The following HDAC4 variants were observed in gnomAD, a reference collection of about 807,000 sequenced individuals.
HDAC4 encodes histone deacetylase A.
A neutral mutation model predicts 135.1 loss-of-function variants in HDAC4; 16 were observed. That is an observed-to-expected ratio of 0.12 (90% CI 0.08 to 0.18). The LOEUF (loss-of-function observed/expected upper bound fraction) is 0.18, where lower values mean the gene tolerates loss of function less well. Ranked by LOEUF, HDAC4 falls within the 10% of genes least tolerant of loss-of-function variation. The pLI is 1.00. For missense variants in HDAC4, 1,143 were observed against 1,511.8 expected (o/e 0.76, Z 4.05); for synonymous variants, 685 against 653.4 (o/e 1.05, Z -0.74).
intron 1 of HDAC4, among the ~76,000 whole-genome samples, chr2:239,366,166 C>T (rs1694200258): frequency 6.7e-6 from 1 of 150,302 alleles, no homozygotes; most frequent in Non-Finnish European, 1.5e-5. Context: ...TCGTCAGGGT[C>T]ATGCGTGTGG....
chr2:239,309,809 A>G lies in HDAC4; in HGVS notation c.22+42869T>C, dbSNP rs2052785015. Among the ~76,000 whole-genome samples the G allele has an allele frequency of 6.6e-6, 1 of 152,152 alleles. No individual in the cohort carries two copies. The highest frequency in any genetic ancestry group is 2.1e-4 in the South Asian group (1 of 4,830). ...GGACTGGTGTTGATAAAACATTCCA[A>G]CCACACACTCAGACCATGGATGTGG... On this transcript the variant is annotated intron_variant, in intron 2 of 26. Coordinates refer to ENST00000543185, the MANE Select transcript of HDAC4 (RefSeq NM_001378414.1). The surrounding 1 kb of genome is among the most constrained non-coding windows in gnomAD (Gnocchi z 4.2).
intron 22 of HDAC4, among the ~76,000 whole-genome samples, chr2:239,072,019 G>T (rs897321489): frequency 1.3e-5 from 2 of 152,134 alleles, no homozygotes; most frequent in African/African-American, 4.8e-5. Context: ...CTTAAAATGA[G>T]TCATCCATTT....
intron 1 of HDAC4, among the ~76,000 whole-genome samples, chr2:239,388,818 C>T (rs1696005154): frequency 6.6e-6 from 1 of 152,230 alleles, no homozygotes; most frequent in African/African-American, 2.4e-5. Flanking sequence ...GATCTCCCTG[C>T]TGAGCTGCCA....
intron 3 of HDAC4, among the ~76,000 whole-genome samples, chr2:239,199,106 T>G (rs557683126): frequency 0.032 from 1,065 of 33,744 alleles, 11 homozygotes; most frequent in Non-Finnish European, 0.047. Context: ...TCCTGCTTCC[T>G]GCCCCCCACC....
chr2:239,203,002 C>A (rs1303310240), intron 3 of HDAC4, among the ~76,000 whole-genome samples: 1 of 152,188 alleles, frequency 6.6e-6, no homozygotes, highest in Non-Finnish European at 1.5e-5. Flanking sequence ...CAGCACAGCC[C>A]AGGCAGCAAG....
rs1212016580 is a variant in HDAC4, at chr2:239,184,655, G to A, written c.339+5178C>T. 3.8e-5 allele frequency among the ~76,000 whole-genome samples: 5 copies of A among 131,284 alleles called. 1 individual carries two copies. Among genetic ancestry groups the A allele is most frequent in the Non-Finnish European group, 8.3e-5 (5 of 60,464 alleles). The allele number at this position is 131,284 out of a possible 152,430, so 86.1% of individuals were successfully genotyped here. A position where few individuals can be genotyped will look rare whatever the true frequency, so the allele number is the denominator to read the frequency against. Reference sequence around the variant, plus strand: ...GGGGGGTCCCTCAGTGTCTGTCCTGGAGGTTGTACCCTATGGGGGAGGTCC... The same window carrying A: ...GGGGGGTCCCTCAGTGTCTGTCCTGAAGGTTGTACCCTATGGGGGAGGTCC... On this transcript the variant is annotated intron_variant, in intron 4 of 26. Transcript: ENST00000543185.
At chr2:239,111,082 G>T (rs897155687) in intron 14 of HDAC4, among the ~76,000 whole-genome samples, 1 of 152,248 alleles carries the variant, frequency 6.6e-6, no homozygotes, top group Non-Finnish European at 1.5e-5. Context: ...CTCTGCTCTC[G>T]TGTAATCACA....
At chr2:239,082,064 C>A in intron 21 of HDAC4, 38 bp downstream of exon 21, 1 of 1,611,572 alleles carries the variant, frequency 6.2e-7, no homozygotes, top group South Asian at 1.1e-5. Context: ...CCCCGCAGTC[C>A]CCCTTTCCCC....
At position 239,400,915 on chromosome 2, in the gene HDAC4, G is replaced by GGACGGTGCTCCGCGGCGGC. The variant is rs1696948296; in HGVS notation, c.-220+44_-220+62dup. On this transcript the variant is annotated intron_variant, in intron 1 of 26. Transcript: ENST00000543185. The surrounding 1 kb of genome is among the most constrained non-coding windows in gnomAD (Gnocchi z 4.7). ...CGGGCTCGGGCTCGGGCGGCGGCGG[G>GGACGGTGCTCCGCGGCGGC]GACGGTGCTCCGCGGCGGCGGCCCC... 1 of 148,956 alleles carries GGACGGTGCTCCGCGGCGGC rather than the reference G, an allele frequency of 6.7e-6. No homozygotes were observed. Among genetic ancestry groups the GGACGGTGCTCCGCGGCGGC allele is most frequent in the African/African-American group, 2.4e-5 (1 of 40,912 alleles). 9.2% of individuals were successfully genotyped at this position (148,956 alleles called of 1,614,324 possible).
intron 12 of HDAC4, among the ~76,000 whole-genome samples, chr2:239,122,968 C>A (rs550604659): frequency 6.6e-6 from 1 of 152,186 alleles, no homozygotes; most frequent in African/African-American, 2.4e-5. Flanking sequence ...AGGGCCGGGA[C>A]GTCAGTGTTA....
At chr2:239,377,110 T>C (rs1436562392) in intron 1 of HDAC4, among the ~76,000 whole-genome samples, 1 of 152,138 alleles carries the variant, frequency 6.6e-6, no homozygotes, top group Non-Finnish European at 1.5e-5. Context: ...GGTGCCCAGA[T>C]GCTGTCCTCC....
chr2:239,287,791 C>G (rs2051220692), intron 2 of HDAC4, among the ~76,000 whole-genome samples: 1 of 152,068 alleles, frequency 6.6e-6, no homozygotes, highest in Non-Finnish European at 1.5e-5. Flanking sequence ...AAAACGGGTA[C>G]ACAGAGACAA....
intron 2 of HDAC4, among the ~76,000 whole-genome samples, chr2:239,290,006 C>A (rs12476417): frequency 0.012 from 1,824 of 152,280 alleles, 22 homozygotes; most frequent in Middle Eastern, 0.041. Flanking sequence ...TAACAAAGTT[C>A]TATCAACTAC....
intron 16 of HDAC4, 114 bp from the exon 17 acceptor site, chr2:239,095,170 G>A (rs992682524): frequency 4.2e-5 from 45 of 1,081,546 alleles, no homozygotes; most frequent in East Asian, 2.2e-4. Flanking sequence ...GTGGGACAAC[G>A]AGGGGCCACT....
At chr2:239,315,573 G>C (rs1361696513) in intron 2 of HDAC4, among the ~76,000 whole-genome samples, 1 of 152,178 alleles carries the variant, frequency 6.6e-6, no homozygotes, top group South Asian at 2.1e-4. Context: ...CGGCAGACCA[G>C]GTGACAGTGA....
chr2:239,333,123 A>G (rs988459388), intron 2 of HDAC4, among the ~76,000 whole-genome samples: 1 of 152,216 alleles, frequency 6.6e-6, no homozygotes, highest in Non-Finnish European at 1.5e-5. Context: ...CCAACTTAAG[A>G]AAGAAATAGC....
chr2:239,182,356 G>A (rs186642223), intron 4 of HDAC4, among the ~76,000 whole-genome samples: 22 of 152,326 alleles, frequency 1.4e-4, no homozygotes, highest in South Asian at 2.1e-4. Context: ...AACGCAGAGC[G>A]GACAGATGCA....
chr2:239,294,134 C>G (rs183765385), intron 2 of HDAC4, among the ~76,000 whole-genome samples: 44 of 152,296 alleles, frequency 2.9e-4, no homozygotes, highest in Non-Finnish European at 2.1e-4. Context: ...ATGGATGCTC[C>G]GTGCAGTGCA....
At chr2:239,138,413 A>G (rs2041119051) in intron 9 of HDAC4, among the ~76,000 whole-genome samples, 2 of 152,268 alleles carry the variant, frequency 1.3e-5, no homozygotes, top group Non-Finnish European at 2.9e-5. Context: ...AGATTTGCCA[A>G]TCCTTTGGAA....
Sources: allele counts gnomAD v4.1 joint callset (sites outside exome capture counted in the v4.1 genomes callset), GRCh38; gene constraint gnomAD v4.1.1; non-coding constraint Gnocchi (gnomAD v3.1); transcripts MANE v1.5; gene names NCBI Gene and HGNC (gene_info 2026-07-23, HGNC 2026-07-21).